The following XKR4 variants were observed in gnomAD, a reference collection of about 807,000 sequenced individuals.
XKR4 encodes the protein XK related 4.
Under a neutral mutation model 53.9 loss-of-function variants are expected in XKR4, and 12 were observed. The ratio of observed to expected loss-of-function variants is 0.22; its 90% CI spans 0.14 to 0.36. XKR4 has a LOEUF of 0.36. Among genes scored for constraint, XKR4 ranks in the 10% least tolerant of loss-of-function variants. The pLI, the probability that XKR4 is intolerant of heterozygous loss-of-function variation, is 1.00. For synonymous variants in XKR4, 354 were observed against 362.4 expected (o/e 0.98, Z 0.26); for missense variants, 799 against 859.5 (o/e 0.93, Z 0.88).
intron 1 of XKR4, among the ~76,000 whole-genome samples, chr8:55,176,846 G>A (rs1817242369): frequency 6.6e-6 from 1 of 152,070 alleles, no homozygotes; most frequent in African/African-American, 2.4e-5. Context: ...CTGTGGAAGT[G>A]TTGATCAGTT....
At chr8:55,166,382 G>T (rs139012645) in intron 1 of XKR4, among the ~76,000 whole-genome samples, 93 of 152,312 alleles carry the variant, frequency 6.1e-4, no homozygotes, top group African/African-American at 2.1e-3. Context: ...TCTCTGCTGA[G>T]TCTTTAAAGG....
At chr8:55,463,769 C>T (rs553718908) in intron 2 of XKR4, among the ~76,000 whole-genome samples, 14 of 151,874 alleles carry the variant, frequency 9.2e-5, no homozygotes, top group South Asian at 2.1e-4. Flanking sequence ...ATCAAATAGA[C>T]GCAATAAAAA....
chr8:55,452,137 T>C lies in XKR4; in HGVS notation c.1007-71144T>C, dbSNP rs190674174. The C allele has an allele frequency of 3.2e-4, 226 of 700,000 alleles. 1 individual carries two copies. The highest frequency in any genetic ancestry group is 3.2e-3 in the African/African-American group (179 of 56,116). 43.4% of individuals were successfully genotyped at this position (700,000 alleles called of 1,614,324 possible). ...GAGAAGGTGGCCCTGACATCCGGTG[T>C]GTACCGCAGCTTATGCAGCTGCTTG... On this transcript the variant is annotated intron_variant, in intron 2 of 2. Transcript: ENST00000327381.
At chr8:55,286,692 G>A (rs1818912032) in intron 1 of XKR4, among the ~76,000 whole-genome samples, 2 of 152,224 alleles carry the variant, frequency 1.3e-5, no homozygotes, top group African/African-American at 4.8e-5. Context: ...AAAAGCTGCT[G>A]ACAGCAGGGA....
intron 2 of XKR4, among the ~76,000 whole-genome samples, chr8:55,513,352 G>T (rs1306422871): frequency 6.6e-6 from 1 of 152,154 alleles, no homozygotes; most frequent in Non-Finnish European, 1.5e-5. Flanking sequence ...GACTACAAAG[G>T]CACCTTAGGG....
At chr8:55,466,519 TG>T (rs1563358598) in intron 2 of XKR4, among the ~76,000 whole-genome samples, 1 of 151,898 alleles carries the variant, frequency 6.6e-6, no homozygotes, top group Non-Finnish European at 1.5e-5. Context: ...TAGCATTAGG[TG>T]ATATACCTAA....
At chr8:55,466,607 C>T (rs1169040134) in intron 2 of XKR4, among the ~76,000 whole-genome samples, 2 of 142,774 alleles carry the variant, frequency 1.4e-5, no homozygotes, top group Non-Finnish European at 3.1e-5. Flanking sequence ...GCACATTGTG[C>T]ACATGTACCC....
At chr8:55,410,218 G>C (rs555708420) in intron 2 of XKR4, among the ~76,000 whole-genome samples, 1 of 152,054 alleles carries the variant, frequency 6.6e-6, no homozygotes, top group South Asian at 2.1e-4. Context: ...ATCCTCCACT[G>C]CTGCTCGCTG....
chr8:55,500,997 G>C (rs2622570), intron 2 of XKR4, among the ~76,000 whole-genome samples: 26,560 of 152,148 alleles, frequency 0.17, 2,919 homozygotes, highest in East Asian at 0.24. Flanking sequence ...GCAAGATAGA[G>C]TTACTTGAGT....
intron 1 of XKR4, among the ~76,000 whole-genome samples, chr8:55,293,302 T>G (rs996597624): frequency 2.0e-5 from 3 of 152,158 alleles, no homozygotes; most frequent in African/African-American, 7.2e-5. Flanking sequence ...AGCTCCAGCC[T>G]GGGTGACAAG....
intron 2 of XKR4, among the ~76,000 whole-genome samples, chr8:55,482,303 A>G (rs922664816): frequency 1.6e-4 from 25 of 152,116 alleles, no homozygotes; most frequent in Non-Finnish European, 2.8e-4. Flanking sequence ...AGGACAAAAA[A>G]CCAAACACCG....
intron 1 of XKR4, among the ~76,000 whole-genome samples, chr8:55,267,438 A>G (rs1818623681): frequency 6.6e-6 from 1 of 152,226 alleles, no homozygotes; most frequent in Non-Finnish European, 1.5e-5. Flanking sequence ...TGAGACCCAG[A>G]AAACTTAAAT....
chr8:55,267,707 T>C (rs746812656), intron 1 of XKR4, among the ~76,000 whole-genome samples: 9 of 152,214 alleles, frequency 5.9e-5, no homozygotes, highest in Non-Finnish European at 1.0e-4. Flanking sequence ...TGCATTATTT[T>C]TATAATGACT....
intron 1 of XKR4, among the ~76,000 whole-genome samples, chr8:55,252,939 T>G (rs1818380549): frequency 6.6e-6 from 1 of 152,070 alleles, no homozygotes; most frequent in Admixed American, 6.5e-5. Context: ...TGCCTTCAGC[T>G]TGTCCTGCCT....
At chr8:55,243,605 C>T (rs911191089) in intron 1 of XKR4, among the ~76,000 whole-genome samples, 2 of 152,186 alleles carry the variant, frequency 1.3e-5, no homozygotes, top group Non-Finnish European at 2.9e-5. Context: ...ATTGCTGGGC[C>T]GTTGGTGAGA....
rs1347226208 is a variant in XKR4, at chr8:55,523,618, C to T, written c.1344C>T (p.Val448=). The T allele has an allele frequency of 1.2e-6, 2 of 1,614,140 alleles. No individual in the cohort carries two copies. The highest frequency in any genetic ancestry group is 1.7e-6 in the Non-Finnish European group (2 of 1,180,018). Reference sequence around the variant, plus strand: ...TCTATATCTTCAGTTGGTTCAATGTCAAGGAAGGCAGGACACGCTGCAGGC... The same window carrying T: ...TCTATATCTTCAGTTGGTTCAATGTTAAGGAAGGCAGGACACGCTGCAGGC... The part of the protein sequence containing the change: ...GIIYIFSWFN[V]KEGRTRCRLF... The change falls in exon 3 of 3, where the codon GTC becomes GTT. Residue 448 remains valine, a synonymous_variant. Transcript: ENST00000327381.
intron 2 of XKR4, among the ~76,000 whole-genome samples, chr8:55,520,736 T>G (rs942205005): frequency 6.6e-6 from 1 of 152,222 alleles, no homozygotes; most frequent in Non-Finnish European, 1.5e-5. Context: ...ATAGAAAGCC[T>G]TCATTTTTCT....
chr8:55,198,076 T>C (rs1817528774), intron 1 of XKR4, among the ~76,000 whole-genome samples: 1 of 152,214 alleles, frequency 6.6e-6, no homozygotes, highest in East Asian at 1.9e-4. Context: ...ATGCTCTGGA[T>C]CTGTTCTTCA....
intron 1 of XKR4, among the ~76,000 whole-genome samples, chr8:55,240,371 G>C (rs1585960558): frequency 6.6e-6 from 1 of 152,118 alleles, no homozygotes; most frequent in Non-Finnish European, 1.5e-5. Context: ...TATAGTCCAT[G>C]TGTTTTTAAA....
Sources: allele counts gnomAD v4.1 joint callset (sites outside exome capture counted in the v4.1 genomes callset), GRCh38; gene constraint gnomAD v4.1.1; transcripts MANE v1.5; gene names NCBI Gene and HGNC (gene_info 2026-07-23, HGNC 2026-07-21).